NRXN3: variants seen among roughly 807,000 people sequenced by gnomAD.
The protein encoded by NRXN3 is neurexin III.
NRXN3 carries 32 observed loss-of-function variants against 137.6 expected under a neutral mutation model. The observed-to-expected ratio is 0.23, with a 90% CI of 0.18 to 0.31. The LOEUF (loss-of-function observed/expected upper bound fraction) is 0.31, where lower values mean the gene tolerates loss of function less well. Among genes scored for constraint, NRXN3 ranks in the 10% least tolerant of loss-of-function variants. The pLI is 1.00. For missense variants in NRXN3, 1,574 were observed against 2,062.5 expected (o/e 0.76, Z 4.59); for synonymous variants, 798 against 784.5 (o/e 1.02, Z -0.29).
chr14:78,966,550 A>G (rs1320747395), intron 12 of NRXN3, 144 bp downstream of exon 12: 6 of 874,822 alleles, frequency 6.9e-6, no homozygotes, highest in Non-Finnish European at 1.0e-5. Flanking sequence ...GATTAAATGG[A>G]TCCATAAAAT....
In NRXN3 at chr14:79,253,334, GT is replaced by G. The variant is rs1320840457; in HGVS notation, c.3263-213885del. On this transcript the variant is annotated intron_variant, in intron 15 of 20. Coordinates refer to ENST00000335750, the MANE Select transcript of NRXN3 (RefSeq NM_001330195.2). ...GGCCATAGTTTAGGTATGGTTGCCA[GT>G]TCTGTGGGGAATACAGTAAAAGCTT... Among the ~76,000 whole-genome samples, 5 of 152,280 alleles carry G rather than the reference GT, an allele frequency of 3.3e-5. No homozygotes were observed. The East Asian group carries it at 9.7e-4, about 29-fold the overall frequency.
intron 9 of NRXN3, among the ~76,000 whole-genome samples, chr14:78,806,491 C>A (rs903068579): frequency 6.6e-6 from 1 of 152,170 alleles, no homozygotes; most frequent in African/African-American, 2.4e-5. Flanking sequence ...CACTTTGCTC[C>A]CTCACTCTAT....
intron 16 of NRXN3, among the ~76,000 whole-genome samples, chr14:79,579,949 C>A (rs2097699268): frequency 6.6e-6 from 1 of 152,152 alleles, no homozygotes; most frequent in Non-Finnish European, 1.5e-5. Flanking sequence ...CCCACCCACA[C>A]ACCCATTCCA....
intron 13 of NRXN3, 118 bp downstream of exon 13, chr14:78,967,516 C>A (rs2099421582): frequency 1.4e-6 from 1 of 711,802 alleles, no homozygotes; most frequent in South Asian, 2.0e-5. Context: ...CATCCATATC[C>A]TGTTTTAACA....
chr14:79,441,634 C>G (rs892834776), intron 15 of NRXN3, among the ~76,000 whole-genome samples: 2 of 151,904 alleles, frequency 1.3e-5, no homozygotes. Context: ...CCCGCCGCGG[C>G]CTCCCAAAGT....
At chr14:78,863,510 C>T (rs1264800226) in intron 10 of NRXN3, among the ~76,000 whole-genome samples, 2 of 151,846 alleles carry the variant, frequency 1.3e-5, no homozygotes, top group Non-Finnish European at 2.9e-5. Context: ...ATTTTTGTCC[C>T]GACCCTTGCT....
In NRXN3 at chr14:79,692,256, GA is replaced by G; in HGVS notation, c.3705del (p.Gly1236AlafsTer4). 6.2e-7 allele frequency: 1 copy of G among 1,603,154 alleles called. No homozygotes were observed. Among genetic ancestry groups the G allele is most frequent in the Non-Finnish European group, 8.5e-7 (1 of 1,175,000 alleles). On this transcript the variant is annotated frameshift_variant, in exon 18 of 21. Transcript: ENST00000335750. LOFTEE classifies it high-confidence loss of function. ...YNRPVEEWLQ[E>X]KGRQLTIFNT... is the part of the protein sequence containing the mutation. ...TCGGCCTGTAGAGGAGTGGCTGCAGGAAAAAGGTAACCGTCATTAAAACTTT... is the reference window on the plus strand; with the variant it reads ...TCGGCCTGTAGAGGAGTGGCTGCAGGAAAAGGTAACCGTCATTAAAACTTT...
At chr14:79,316,832 G>T (rs1194962302) in intron 15 of NRXN3, among the ~76,000 whole-genome samples, 3 of 151,912 alleles carry the variant, frequency 2.0e-5, no homozygotes, top group Non-Finnish European at 4.4e-5. Context: ...ATTAGGAAGT[G>T]TATTCATTTC....
rs139596761 is a variant in NRXN3, at chr14:78,494,421, G to GTTTTTTTTTTTTTTTT, written c.758-150695_758-150694insTTTTTTTTTTTTTTTT. On this transcript the variant is annotated intron_variant, in intron 4 of 20. Transcript: ENST00000335750. ...GGCTTGAAAGAATCCTACCAGAGGT[G>GTTTTTTTTTTTTTTTT]TTTTGTTTTTTTTTTTGTCTGATTT... 3.8e-5 allele frequency among the ~76,000 whole-genome samples: 5 copies of GTTTTTTTTTTTTTTTT among 132,440 alleles called. 1 individual carries two copies. Among genetic ancestry groups the GTTTTTTTTTTTTTTTT allele is most frequent in the Admixed American group, 1.6e-4 (2 of 12,496 alleles). The allele number at this position is 132,440 out of a possible 152,430, so 86.9% of individuals were successfully genotyped here. A position where few individuals can be genotyped will look rare whatever the true frequency, so the allele number is the denominator to read the frequency against.
chr14:79,515,622 T>G lies in NRXN3; in HGVS notation c.3444+48220T>G, dbSNP rs143764209. Among the ~76,000 whole-genome samples, 470 of 141,688 alleles carry G rather than the reference T, an allele frequency of 3.3e-3. 3 individuals are homozygous for G. The highest frequency in any genetic ancestry group is 6.0e-3 in the South Asian group (29 of 4,822). The allele number at this position is 141,688 out of a possible 152,430, so 93.0% of individuals were successfully genotyped here. Reference sequence around the variant, plus strand: ...TGTTTTCATTTCTCCTCCTCCCGCCTTCCTGTCTTCCTCTTCCTCTCCCTT... The same window carrying G: ...TGTTTTCATTTCTCCTCCTCCCGCCGTCCTGTCTTCCTCTTCCTCTCCCTT... On this transcript the variant is annotated intron_variant, in intron 16 of 20. Transcript: ENST00000335750.
chr14:78,219,482 G>A (rs1750735316), intron 1 of NRXN3, among the ~76,000 whole-genome samples: 2 of 152,158 alleles, frequency 1.3e-5, no homozygotes, highest in Non-Finnish European at 2.9e-5. Flanking sequence ...GGACTCAGTG[G>A]AAAGCACCCT....
chr14:79,468,225 A>G (rs1654247422), intron 16 of NRXN3, among the ~76,000 whole-genome samples: 1 of 152,252 alleles, frequency 6.6e-6, no homozygotes, highest in Non-Finnish European at 1.5e-5. Context: ...ATGATTTAGA[A>G]GAAAAAATTC....
intron 15 of NRXN3, among the ~76,000 whole-genome samples, chr14:79,109,816 G>A (rs970167176): frequency 6.6e-6 from 1 of 152,110 alleles, no homozygotes; most frequent in African/African-American, 2.4e-5. Flanking sequence ...AATTAACCTT[G>A]AAAATAAGCA....
intron 10 of NRXN3, among the ~76,000 whole-genome samples, chr14:78,844,104 T>A (rs888650265): frequency 1.3e-5 from 2 of 152,102 alleles, no homozygotes; most frequent in African/African-American, 2.4e-5. Context: ...ACTCCATTCC[T>A]TGTCTCTTCC....
At chr14:79,684,349 T>C (rs2098686074) in intron 17 of NRXN3, among the ~76,000 whole-genome samples, 1 of 152,170 alleles carries the variant, frequency 6.6e-6, no homozygotes, top group African/African-American at 2.4e-5. Context: ...CCTGTTATGA[T>C]GTGGTTGTTG....
intron 8 of NRXN3, among the ~76,000 whole-genome samples, chr14:78,735,127 T>G (rs879455042): frequency 3.3e-5 from 5 of 152,140 alleles, no homozygotes; most frequent in Non-Finnish European, 5.9e-5. Context: ...AGTCGGTGAA[T>G]TTGAGATATT....
At chr14:79,303,265 A>G (rs1007953426) in intron 15 of NRXN3, among the ~76,000 whole-genome samples, 1 of 152,066 alleles carries the variant, frequency 6.6e-6, no homozygotes, top group Non-Finnish European at 1.5e-5. Flanking sequence ...AGTTACTGGC[A>G]GGTCAAAATA....
rs1159913935 is a variant in NRXN3, at chr14:79,376,214, GTATATATATATATATATATATATA to G, written c.3263-90978_3263-90955del. On this transcript the variant is annotated intron_variant, in intron 15 of 20. Transcript: ENST00000335750. ...CATGTGGGTGTGTGTGTGTGTGTAT[GTATATATATATATATATATATATA>G]TATATATATATATATATATATATAT... Among the ~76,000 whole-genome samples, 29 of 71,110 alleles carry G rather than the reference GTATATATATATATATATATATATA, an allele frequency of 4.1e-4. 1 individual carries two copies. Among genetic ancestry groups the G allele is most frequent in the South Asian group, 1.1e-3 (2 of 1,772 alleles). 46.7% of individuals were successfully genotyped at this position (71,110 alleles called of 152,430 possible).
In NRXN3 at chr14:79,863,999, T is replaced by TTTAA. The variant is rs139190828; in HGVS notation, c.*2038_*2041dup. On this transcript the variant is annotated 3_prime_UTR_variant, in exon 21 of 21. Coordinates refer to ENST00000335750, the MANE Select transcript of NRXN3 (RefSeq NM_001330195.2). ...ATCTAATATTTCAATGTGTTAAGAG[T>TTTAA]TTAATTTTTTTGTTATCATTAAAAA... The TTTAA allele has an allele frequency of 0.26, 40,232 of 152,206 alleles. 6,587 individuals carry two copies. The highest frequency in any genetic ancestry group is 0.42 in the Admixed American group (6,428 of 15,236). The allele number at this position is 152,206 out of a possible 1,614,324, so 9.4% of individuals were successfully genotyped here.
Sources: gnomAD v4.1 joint callset for allele counts (sites outside exome capture counted in the v4.1 genomes callset) on GRCh38, gnomAD v4.1.1 for gene constraint, MANE v1.5 for transcripts, NCBI Gene and HGNC (gene_info 2026-07-23, HGNC 2026-07-21) for gene names.